The following CACNA1B variants were observed in gnomAD, a reference collection of about 807,000 sequenced individuals.
CACNA1B encodes voltage-dependent N-type calcium channel subunit alpha-1B.
In CACNA1B, 70 loss-of-function variants were observed where a neutral mutation model predicts 247.2. The ratio of observed to expected loss-of-function variants is 0.28; its 90% CI spans 0.23 to 0.35. The LOEUF is 0.35. Among genes scored for constraint, CACNA1B ranks in the 10% least tolerant of loss-of-function variants. The pLI is 1.00. For missense variants in CACNA1B, 2,367 were observed against 3,197.4 expected (o/e 0.74, Z 6.26); for synonymous variants, 1,231 against 1,294.4 (o/e 0.95, Z 1.05).
At position 138,095,519 on chromosome 9, in the gene CACNA1B, G is replaced by A. The variant is rs555378941; in HGVS notation, c.5095-965G>A. ...AGGAACTGTTGTACATTGCCAGTAG[G>A]AATGTAAAATGCACCAGCTGCTATG... On this transcript the variant is annotated intron_variant, in intron 36 of 46. Coordinates refer to ENST00000371372, the MANE Select transcript of CACNA1B (RefSeq NM_000718.4). Among the ~76,000 whole-genome samples, 13 of 152,212 alleles carry A rather than the reference G, an allele frequency of 8.5e-5. No individual in the cohort carries two copies. In the South Asian group the frequency reaches 2.5e-3, roughly 29 times the overall value.
intron 39 of CACNA1B, 150 bp from the exon 40 acceptor site, chr9:138,112,248 C>T: frequency 3.1e-6 from 2 of 636,462 alleles, no homozygotes; most frequent in Admixed American, 4.5e-5. Flanking sequence ...GCGTTTGTTC[C>T]CACTGCACCC....
intron 31 of CACNA1B, among the ~76,000 whole-genome samples, chr9:138,061,338 C>CTTTA (rs757409180): frequency 2.6e-5 from 4 of 152,154 alleles, no homozygotes; most frequent in Non-Finnish European, 5.9e-5. Flanking sequence ...TTTGCCAGAC[C>CTTTA]TAAAATTGGG....
chr9:138,114,564 G>A lies in CACNA1B; in HGVS notation c.5649+74G>A, dbSNP rs561834756. 90 of 703,848 alleles carry A rather than the reference G, an allele frequency of 1.3e-4. 2 individuals carry two copies. Among genetic ancestry groups the A allele is most frequent in the South Asian group, 8.9e-4 (55 of 61,824 alleles). 43.6% of individuals were successfully genotyped at this position (703,848 alleles called of 1,614,324 possible). ...CTCTGGCATCCTTCGGGGGGTTGACGACGGGGGAGATGCACACCATTCTTG... is the reference window on the plus strand; with the variant it reads ...CTCTGGCATCCTTCGGGGGGTTGACAACGGGGGAGATGCACACCATTCTTG... On this transcript the variant is annotated intron_variant, in intron 41 of 46. Transcript: ENST00000371372.
At chr9:138,068,574 G>GAAT in intron 31 of CACNA1B, 1 of 518,620 alleles carries the variant, frequency 1.9e-6, no homozygotes, top group Non-Finnish European at 3.8e-6. Flanking sequence ...GCACAGGTGG[G>GAAT]CTGCATTGCT....
chr9:137,962,693 T>C (rs952115000), intron 10 of CACNA1B, among the ~76,000 whole-genome samples: 1 of 152,200 alleles, frequency 6.6e-6, no homozygotes, highest in African/African-American at 2.4e-5. Context: ...AGTTGTGTGG[T>C]TTTGAGTGAA....
chr9:137,972,125 G>A lies in CACNA1B; in HGVS notation c.1543+533G>A, dbSNP rs1377395777. ...AATCTGGATGCATTCATGCCCTTCC[G>A]TGGAGTGAGCTGTTTGCAGTTCTGT... On this transcript the variant is annotated intron_variant, in intron 11 of 46. Coordinates refer to ENST00000371372, the MANE Select transcript of CACNA1B (RefSeq NM_000718.4). 2.0e-5 allele frequency among the ~76,000 whole-genome samples: 3 copies of A among 148,352 alleles called. No homozygotes were observed. The East Asian group carries it at 5.9e-4, about 29-fold the overall frequency.
In CACNA1B at chr9:138,057,697, C is replaced by A. The variant is rs745932428; in HGVS notation, c.3969-35C>A. ...AGGTGGGTTTATTTGGATCTTTTGTCTTTGCCCTCTAACCTCCCATGTTCT... is the reference window on the plus strand; with the variant it reads ...AGGTGGGTTTATTTGGATCTTTTGTATTTGCCCTCTAACCTCCCATGTTCT... On this transcript the variant is annotated intron_variant, in intron 26 of 46. Transcript: ENST00000371372. The surrounding 1 kb of genome is among the most constrained non-coding windows in gnomAD (Gnocchi z 4.0). 6.3e-7 allele frequency: 1 copy of A among 1,581,462 alleles called. No individual in the cohort carries two copies. Among genetic ancestry groups the A allele is most frequent in the Non-Finnish European group, 8.7e-7 (1 of 1,155,816 alleles).
At chr9:137,915,686 A>G (rs1245069249) in intron 5 of CACNA1B, among the ~76,000 whole-genome samples, 2 of 152,190 alleles carry the variant, frequency 1.3e-5, no homozygotes. Flanking sequence ...AAATCCCTGC[A>G]GATTTCCTGC....
chr9:138,023,462 G>T lies in CACNA1B; in HGVS notation c.2719G>T (p.Gly907Cys). The change falls in exon 19 of 47, where the codon GGC becomes TGC. Residue 907 changes from glycine (G) to cysteine (C), a missense_variant. Gly to Cys is a radical substitution (Grantham distance 159). Transcript: ENST00000371372. Reference protein sequence around the residue: ...AGPPEARSERGRGPGPEGGRR... With the variant: ...AGPPEARSERCRGPGPEGGRR... ...GCCCCCGGAGGCGCGGAGCGAGCGC[G>T]GCCGAGGCCCAGGCCCCGAGGGCGG... The T allele has an allele frequency of 8.3e-7, 1 of 1,201,402 alleles. No individual in the cohort carries two copies. 74.4% of individuals were successfully genotyped at this position (1,201,402 alleles called of 1,614,324 possible). A position where few individuals can be genotyped will look rare whatever the true frequency, so the allele number is the denominator to read the frequency against.
rs1960167970 is a variant in CACNA1B at position 138,072,524 on chromosome 9, C to T, written c.4675-964C>T. Among the ~76,000 whole-genome samples, 4 of 152,272 alleles carry T rather than the reference C, an allele frequency of 2.6e-5. No homozygotes were observed. In the South Asian group the frequency reaches 8.3e-4, roughly 31 times the overall value. On this transcript the variant is annotated intron_variant, in intron 32 of 46. Transcript: ENST00000371372. This position sits in a 1 kb window ranked among gnomAD's most constrained non-coding sequence, Gnocchi z 4.5. ...TGACAACACGAACGTGTCTCTGAGC[C>T]TGAGCTGCTTGCATATTTTAAAATG...
At chr9:137,982,111 A>T (rs1039843239) in intron 12 of CACNA1B, among the ~76,000 whole-genome samples, 5 of 152,208 alleles carry the variant, frequency 3.3e-5, no homozygotes, top group African/African-American at 4.8e-5. Flanking sequence ...TGGCATAAGA[A>T]AAATGTTTAT....
At chr9:138,035,004 G>A (rs1959026115) in intron 20 of CACNA1B, among the ~76,000 whole-genome samples, 1 of 152,232 alleles carries the variant, frequency 6.6e-6, no homozygotes, top group South Asian at 2.1e-4. Context: ...GTGGGACAGA[G>A]CAGAACGGTG....
At chr9:137,989,444 G>T (rs1049686220) in intron 15 of CACNA1B, among the ~76,000 whole-genome samples, 1 of 152,156 alleles carries the variant, frequency 6.6e-6, no homozygotes, top group Non-Finnish European at 1.5e-5. Flanking sequence ...GGTGGCCAGT[G>T]CCCCTTCCGA....
chr9:138,101,465 C>G lies in CACNA1B; in HGVS notation c.5223-1246C>G, dbSNP rs376687973. ...TGGGTGGGAGATGGGGGCTAGGTCC[C>G]TCCTGCATCAAGGAAGCAGCCGACT... is the stretch of plus-strand genomic sequence containing the variant. On this transcript the variant is annotated intron_variant, in intron 37 of 46. Coordinates refer to ENST00000371372, the MANE Select transcript of CACNA1B (RefSeq NM_000718.4). Among the ~76,000 whole-genome samples the G allele has an allele frequency of 2.8e-4, 42 of 152,348 alleles. No individual in the cohort carries two copies. The South Asian group carries it at 8.7e-3, about 32-fold the overall frequency.
At chr9:138,036,527 G>A (rs1019475028) in intron 20 of CACNA1B, among the ~76,000 whole-genome samples, 7 of 152,148 alleles carry the variant, frequency 4.6e-5, no homozygotes, top group African/African-American at 1.4e-4. Flanking sequence ...TTTGTGAGAC[G>A]TGGTTTTACA....
Position 137,913,037 on chromosome 9 carries a change from G to A in CACNA1B, c.531-143G>A. ...TGGACAGTGGGGGGACACAGGTGCT[G>A]GCCCTGTGGTTGGACAGTGGGGACA... is the stretch of plus-strand genomic sequence containing the variant. On this transcript the variant is annotated intron_variant, in intron 3 of 46. Coordinates refer to ENST00000371372, the MANE Select transcript of CACNA1B (RefSeq NM_000718.4). This position sits in a 1 kb window ranked among gnomAD's most constrained non-coding sequence, Gnocchi z 5.2. 1.5e-6 allele frequency: 1 copy of A among 666,380 alleles called. No homozygotes were observed. Among genetic ancestry groups the A allele is most frequent in the South Asian group, 1.8e-5 (1 of 55,934 alleles). 41.3% of individuals were successfully genotyped at this position (666,380 alleles called of 1,614,324 possible).
intron 26 of CACNA1B, among the ~76,000 whole-genome samples, chr9:138,055,470 T>C (rs1959461591): frequency 1.3e-5 from 2 of 152,188 alleles, no homozygotes; most frequent in African/African-American, 4.8e-5. Context: ...ATCTTTTTTA[T>C]TCTTTTATGC....
At chr9:138,024,709 G>A (rs747585700) in intron 19 of CACNA1B, among the ~76,000 whole-genome samples, 12 of 152,150 alleles carry the variant, frequency 7.9e-5, no homozygotes, top group East Asian at 3.8e-4. Context: ...GCTCACTGCA[G>A]CCTCAACTTC....
At chr9:137,948,942 TG>T (rs1215175601) in intron 6 of CACNA1B, among the ~76,000 whole-genome samples, 1 of 143,490 alleles carries the variant, frequency 7.0e-6, no homozygotes, top group Non-Finnish European at 1.5e-5. Context: ...TGTTTGTGTA[TG>T]GTCTGTGTGG....
Sources: gnomAD v4.1 joint callset for allele counts (sites outside exome capture counted in the v4.1 genomes callset) on GRCh38, gnomAD v4.1.1 for gene constraint, Gnocchi (gnomAD v3.1) non-coding constraint, MANE v1.5 for transcripts, NCBI Gene and HGNC (gene_info 2026-07-23, HGNC 2026-07-21) for gene names.